The following ZBTB20 variants were observed in gnomAD, a reference collection of about 807,000 sequenced individuals.
ZBTB20 encodes the protein zinc finger and BTB domain containing 20.
In ZBTB20, 9 loss-of-function variants were observed where a neutral mutation model predicts 56.9. That is an observed-to-expected ratio of 0.16 (90% CI 0.10 to 0.28). ZBTB20 has a LOEUF of 0.28. ZBTB20 is among the 10% of genes least tolerant of loss of function. ZBTB20 has a pLI of 1.00. For synonymous variants in ZBTB20, 417 were observed against 420.7 expected (o/e 0.99, Z 0.11); for missense variants, 655 against 1,003.0 (o/e 0.65, Z 4.69).
chr3:114,862,118 T>C, intron 4 of ZBTB20, among the ~76,000 whole-genome samples: 1 of 152,208 alleles, frequency 6.6e-6, no homozygotes, highest in Non-Finnish European at 1.5e-5. Context: ...AAAGTGTCTA[T>C]CATAATTTTA....
chr3:114,739,237 A>G (rs541407949), intron 5 of ZBTB20, among the ~76,000 whole-genome samples: 3 of 152,320 alleles, frequency 2.0e-5, no homozygotes, highest in East Asian at 3.9e-4. Flanking sequence ...ATTTTAAGCC[A>G]GTTCCTGAGG....
intron 6 of ZBTB20, among the ~76,000 whole-genome samples, chr3:114,594,694 G>A (rs1261072771): frequency 6.6e-6 from 1 of 152,124 alleles, no homozygotes; most frequent in Non-Finnish European, 1.5e-5. Context: ...AAGAGGGTAA[G>A]GTCTTAGTCT....
chr3:114,876,951 A>T (rs2076222122), intron 4 of ZBTB20, among the ~76,000 whole-genome samples: 1 of 152,214 alleles, frequency 6.6e-6, no homozygotes, highest in Non-Finnish European at 1.5e-5. Flanking sequence ...TACCTTTAGT[A>T]GATTAGCTGC....
intron 3 of ZBTB20, among the ~76,000 whole-genome samples, chr3:114,941,914 G>A (rs2076733517): frequency 6.9e-6 from 1 of 145,934 alleles, no homozygotes; most frequent in South Asian, 2.1e-4. Flanking sequence ...ACATTACCCA[G>A]GGAGGTGACA....
intron 2 of ZBTB20, among the ~76,000 whole-genome samples, chr3:115,007,993 TC>T (rs757646066): frequency 9.9e-5 from 15 of 151,846 alleles, no homozygotes; most frequent in Non-Finnish European, 1.9e-4. Flanking sequence ...ATATATGGGT[TC>T]TTCTTCTGCT....
chr3:114,352,512 T>G (rs1402927738), intron 10 of ZBTB20, among the ~76,000 whole-genome samples: 1 of 152,234 alleles, frequency 6.6e-6, no homozygotes, highest in East Asian at 1.9e-4. Context: ...ACAGTCATGA[T>G]CATGCTTTCC....
chr3:114,587,909 A>G (rs2055346290), intron 6 of ZBTB20, among the ~76,000 whole-genome samples: 1 of 152,210 alleles, frequency 6.6e-6, no homozygotes, highest in African/African-American at 2.4e-5. Context: ...TCAAGATGTC[A>G]TTCCTTTCTC....
intron 5 of ZBTB20, among the ~76,000 whole-genome samples, chr3:114,779,536 T>A (rs1266185556): frequency 1.3e-5 from 2 of 152,228 alleles, no homozygotes; most frequent in Non-Finnish European, 2.9e-5. Flanking sequence ...ACCTTTGTGA[T>A]AAATTATTGA....
chr3:114,595,464 T>G (rs147354117), intron 6 of ZBTB20, among the ~76,000 whole-genome samples: 14 of 152,310 alleles, frequency 9.2e-5, no homozygotes, highest in African/African-American at 3.1e-4. Context: ...ATATAGCAGA[T>G]CCTGAGCACC....
At chr3:114,771,081 C>T (rs569987625) in intron 5 of ZBTB20, among the ~76,000 whole-genome samples, 86 of 152,224 alleles carry the variant, frequency 5.6e-4, no homozygotes, top group African/African-American at 1.9e-3. Flanking sequence ...ACTTCTGTTA[C>T]GCAATTGCAT....
intron 4 of ZBTB20, among the ~76,000 whole-genome samples, chr3:114,834,147 C>A (rs182140186): frequency 2.1e-4 from 32 of 152,122 alleles, no homozygotes; most frequent in African/African-American, 7.5e-4. Flanking sequence ...TTTGGTAATA[C>A]CTATTAAAAA....
At chr3:114,846,599 A>G (rs2074717638) in intron 4 of ZBTB20, among the ~76,000 whole-genome samples, 1 of 152,244 alleles carries the variant, frequency 6.6e-6, no homozygotes, top group South Asian at 2.1e-4. Context: ...TGAGAACTCA[A>G]TGACAAGAGG....
At chr3:114,545,326 T>G (rs1457515949) in intron 6 of ZBTB20, among the ~76,000 whole-genome samples, 3 of 152,216 alleles carry the variant, frequency 2.0e-5, no homozygotes. Flanking sequence ...CAGGACTTTC[T>G]GTCTCTCATA....
intron 6 of ZBTB20, among the ~76,000 whole-genome samples, chr3:114,566,517 C>T (rs2052772415): frequency 6.6e-6 from 1 of 152,146 alleles, no homozygotes; most frequent in Non-Finnish European, 1.5e-5. Flanking sequence ...TTAGATGTGA[C>T]ATACCACCTG....
rs369581113 is a variant in ZBTB20 at position 114,780,618 on chromosome 3, G to T, written c.-343+20483C>A. Among the ~76,000 whole-genome samples the T allele has an allele frequency of 1.2e-4, 19 of 152,238 alleles. No homozygotes were observed. The South Asian group carries it at 2.5e-3, about 20-fold the overall frequency. ...TTCTCCTGCCTCAGCCTCCTGAGTA[G>T]CTGGAACAACAGACATGCACCACCA... On this transcript the variant is annotated intron_variant, in intron 5 of 11. Coordinates refer to ENST00000675478, the MANE Select transcript of ZBTB20 (RefSeq NM_001348800.3).
At chr3:114,430,161 T>C (rs1228342486) in intron 7 of ZBTB20, among the ~76,000 whole-genome samples, 3 of 152,234 alleles carry the variant, frequency 2.0e-5, no homozygotes, top group Non-Finnish European at 1.5e-5. Context: ...GAAGTGATCA[T>C]ATTACCCAAG....
chr3:114,889,803 C>T (rs2076736894), intron 4 of ZBTB20, among the ~76,000 whole-genome samples: 1 of 151,908 alleles, frequency 6.6e-6, no homozygotes, highest in South Asian at 2.1e-4. Context: ...ATGCTCTACT[C>T]AAGGTGTAGA....
intron 6 of ZBTB20, among the ~76,000 whole-genome samples, chr3:114,630,582 G>A (rs1278212709): frequency 1.3e-5 from 2 of 152,166 alleles, no homozygotes; most frequent in Admixed American, 6.5e-5. Flanking sequence ...TTTGCTGCAG[G>A]AGCTACATGC....
Position 114,350,892 on chromosome 3 carries a change from G to A in ZBTB20, c.1186C>T (p.Pro396Ser). ...EPDSVEQQFG[P>S]GAARDSQAEP... ...GCCTGGCTGTCCCGCGCCGCCCCAGGCCCAAACTGCTGCTCCACCGAGTCA... is the reference window on the plus strand; with the variant it reads ...GCCTGGCTGTCCCGCGCCGCCCCAGACCCAAACTGCTGCTCCACCGAGTCA... Residue 396 changes from proline to serine, a missense_variant, in exon 11 of 12, where the codon CCT (proline) becomes TCT (serine). Coordinates refer to ENST00000675478, the MANE Select transcript of ZBTB20 (RefSeq NM_001348800.3). 6.2e-7 allele frequency: 1 copy of A among 1,607,110 alleles called. No individual in the cohort carries two copies. Among genetic ancestry groups the A allele is most frequent in the East Asian group, 2.2e-5 (1 of 44,752 alleles).
Sources: allele counts gnomAD v4.1 joint callset (sites outside exome capture counted in the v4.1 genomes callset), GRCh38; gene constraint gnomAD v4.1.1; transcripts MANE v1.5; gene names NCBI Gene and HGNC (gene_info 2026-07-23, HGNC 2026-07-21).